CSMD1: variants seen among roughly 807,000 people sequenced by gnomAD.
CSMD1 encodes the protein CUB and sushi domain-containing protein 1.
Under a neutral mutation model 417.5 loss-of-function variants are expected in CSMD1, and 213 were observed. The observed-to-expected ratio is 0.51, with a 90% CI of 0.46 to 0.57. The LOEUF is 0.57. Among genes scored for constraint, CSMD1 ranks in the 20% least tolerant of loss-of-function variants. The probability of loss-of-function intolerance (pLI) is 0.00; values close to 1 mark genes in which losing one functional copy is unlikely to be tolerated. For synonymous variants in CSMD1, 2,862 were observed against 1,736.8 expected, an observed-to-expected ratio of 1.65 and a Z score of -16.11; for missense variants, 6,923 against 4,529.7, an observed-to-expected ratio of 1.53 and a Z score of -15.17.
chr8:3,335,117 G>C (rs1241020501), intron 23 of CSMD1, among the ~76,000 whole-genome samples: 1 of 152,132 alleles, frequency 6.6e-6, no homozygotes, highest in Non-Finnish European at 1.5e-5. Flanking sequence ...GGAGGTGCCT[G>C]CAGTCAATGG....
At chr8:3,788,992 T>G (rs1252017633) in intron 5 of CSMD1, among the ~76,000 whole-genome samples, 1 of 152,178 alleles carries the variant, frequency 6.6e-6, no homozygotes, top group Non-Finnish European at 1.5e-5. Flanking sequence ...TGTAAGTTAT[T>G]TCCACTGTAT....
Position 4,074,846 on chromosome 8 carries a change from GT to G in CSMD1, c.416-42748del, listed in dbSNP as rs201647603. The stretch of plus-strand genomic sequence containing the variant: ...CCTTTTTCTTGGTAGAATTTTCTGA[GT>G]TTTTTTTCTCTCCTCCAGAATGCAC... On this transcript the variant is annotated intron_variant, in intron 3 of 69. Coordinates refer to ENST00000635120, the MANE Select transcript of CSMD1 (RefSeq NM_033225.6). Among the ~76,000 whole-genome samples the G allele has an allele frequency of 2.1e-4, 32 of 151,930 alleles. No homozygotes were observed. In the East Asian group the frequency reaches 4.8e-3, roughly 23 times the overall value.
intron 10 of CSMD1, among the ~76,000 whole-genome samples, chr8:3,537,389 G>T (rs1441322116): frequency 1.3e-5 from 2 of 152,226 alleles, no homozygotes; most frequent in African/African-American, 4.8e-5. Flanking sequence ...TACATCATAA[G>T]TTATCATGCA....
In CSMD1 at chr8:3,957,389, T is replaced by A. The variant is rs551486985; in HGVS notation, c.818+40514A>T. Among the ~76,000 whole-genome samples, 2 of 152,140 alleles carry A rather than the reference T, an allele frequency of 1.3e-5. 1 individual carries two copies. Among genetic ancestry groups the A allele is most frequent in the South Asian group, 4.1e-4 (2 of 4,822 alleles). On this transcript the variant is annotated intron_variant, in intron 5 of 69. Transcript: ENST00000635120. Reference sequence around the variant, plus strand: ...AAGGCAGGTGTTAAGCATAAAAATATATGTCAGTCTGGGAGCAGTGGCTCC... The same window carrying A: ...AAGGCAGGTGTTAAGCATAAAAATAAATGTCAGTCTGGGAGCAGTGGCTCC...
At chr8:4,903,424 T>A (rs1461065780) in intron 1 of CSMD1, among the ~76,000 whole-genome samples, 1 of 152,194 alleles carries the variant, frequency 6.6e-6, no homozygotes, top group Non-Finnish European at 1.5e-5. Context: ...GAGTGACTTT[T>A]TTTACCCTTG....
chr8:4,733,163 C>G (rs975575901), intron 1 of CSMD1, among the ~76,000 whole-genome samples: 1 of 152,190 alleles, frequency 6.6e-6, no homozygotes, highest in South Asian at 2.1e-4. Context: ...CAGTCAATGT[C>G]TACCAAGTAC....
At chr8:3,306,355 G>GTGGTGATGGAGTTT (rs1804845070) in intron 25 of CSMD1, among the ~76,000 whole-genome samples, 1 of 152,166 alleles carries the variant, frequency 6.6e-6, no homozygotes, top group Non-Finnish European at 1.5e-5. Context: ...TGTATTTTTA[G>GTGGTGATGGAGTTT]TGGTGATGGA....
intron 25 of CSMD1, among the ~76,000 whole-genome samples, chr8:3,306,206 C>G (rs955097355): frequency 6.6e-6 from 1 of 152,192 alleles, no homozygotes; most frequent in African/African-American, 2.4e-5. Flanking sequence ...ATACACATTA[C>G]TAAGCTTGAT....
In CSMD1 at chr8:3,673,310, A is replaced by G. The variant is rs535120781; in HGVS notation, c.1009+35104T>C. 5.9e-5 allele frequency among the ~76,000 whole-genome samples: 9 copies of G among 152,184 alleles called. No homozygotes were observed. In the South Asian group the frequency reaches 1.9e-3, roughly 32 times the overall value. Reference sequence around the variant, plus strand: ...CGTATCCTCTACAAGCCTGCTTAACAGGTAAACTGAAAATTCAGCAAGTAC... The same window carrying G: ...CGTATCCTCTACAAGCCTGCTTAACGGGTAAACTGAAAATTCAGCAAGTAC... On this transcript the variant is annotated intron_variant, in intron 7 of 69. Coordinates refer to ENST00000635120, the MANE Select transcript of CSMD1 (RefSeq NM_033225.6).
chr8:3,699,620 G>A lies in CSMD1; in HGVS notation c.1009+8794C>T, dbSNP rs183706091. 8.0e-4 allele frequency among the ~76,000 whole-genome samples: 122 copies of A among 152,184 alleles called. 2 individuals carry two copies. Among genetic ancestry groups the A allele is most frequent in the African/African-American group, 2.8e-3 (115 of 41,518 alleles). ...AATTTCCATTTTTACTCAATCATCA[G>A]TAAATGTTACTACCGTTATGACAGC... On this transcript the variant is annotated intron_variant, in intron 7 of 69. Transcript: ENST00000635120.
intron 1 of CSMD1, among the ~76,000 whole-genome samples, chr8:4,852,128 G>A (rs555662152): frequency 2.0e-4 from 30 of 152,070 alleles, no homozygotes; most frequent in Admixed American, 7.9e-4. Flanking sequence ...TCTCCCAACT[G>A]GGAACACCAT....
intron 3 of CSMD1, among the ~76,000 whole-genome samples, chr8:4,308,687 CT>C (rs930875539): frequency 2.0e-5 from 3 of 152,128 alleles, no homozygotes; most frequent in African/African-American, 7.2e-5. Flanking sequence ...TATCTGGGTG[CT>C]TTTGGAGTTT....
chr8:4,179,671 T>C (rs375010690), intron 3 of CSMD1, among the ~76,000 whole-genome samples: 2 of 152,174 alleles, frequency 1.3e-5, no homozygotes, highest in African/African-American at 4.8e-5. Context: ...ATTTTCGCAA[T>C]CTACTCATCT....
At position 3,902,107 on chromosome 8, in the gene CSMD1, T is replaced by C. The variant is rs144051885; in HGVS notation, c.818+95796A>G. ...TGTCTTGAAAACCAGCCTGAACACATTGCTAAGCCTTAATATGACAGAAGT... is the reference window on the plus strand; with the variant it reads ...TGTCTTGAAAACCAGCCTGAACACACTGCTAAGCCTTAATATGACAGAAGT... On this transcript the variant is annotated intron_variant, in intron 5 of 69. Coordinates refer to ENST00000635120, the MANE Select transcript of CSMD1 (RefSeq NM_033225.6). 1.3e-3 allele frequency among the ~76,000 whole-genome samples: 196 copies of C among 152,310 alleles called. 2 individuals carry two copies. The highest frequency in any genetic ancestry group is 2.0e-3 in the African/African-American group (84 of 41,572).
intron 21 of CSMD1, among the ~76,000 whole-genome samples, chr8:3,350,079 T>C (rs974410166): frequency 7.3e-5 from 10 of 137,128 alleles, no homozygotes; most frequent in African/African-American, 2.4e-4. Flanking sequence ...GTGTGTGTTA[T>C]AATACCTATA....
intron 1 of CSMD1, among the ~76,000 whole-genome samples, chr8:4,933,838 T>G (rs977900947): frequency 4.6e-5 from 7 of 152,174 alleles, no homozygotes; most frequent in African/African-American, 1.7e-4. Flanking sequence ...GATTAAAAAT[T>G]TGTACTATAG....
At chr8:4,929,090 C>T (rs1047116194) in intron 1 of CSMD1, among the ~76,000 whole-genome samples, 2 of 151,970 alleles carry the variant, frequency 1.3e-5, no homozygotes, top group African/African-American at 2.4e-5. Flanking sequence ...CAAAAAAAGG[C>T]CTTTAGGATG....
intron 17 of CSMD1, among the ~76,000 whole-genome samples, chr8:3,394,028 A>T (rs1475002510): frequency 0.021 from 1,491 of 70,086 alleles, 66 homozygotes; most frequent in Non-Finnish European, 0.032. Flanking sequence ...ATATATATAT[A>T]TATATATATA....
At chr8:4,822,310 G>A (rs906825594) in intron 1 of CSMD1, among the ~76,000 whole-genome samples, 1 of 152,098 alleles carries the variant, frequency 6.6e-6, no homozygotes, top group Non-Finnish European at 1.5e-5. Flanking sequence ...CTGAAGCCTT[G>A]CCCACTGCAG....
Sources: gnomAD v4.1 joint callset for allele counts (sites outside exome capture counted in the v4.1 genomes callset) on GRCh38, gnomAD v4.1.1 for gene constraint, MANE v1.5 for transcripts, NCBI Gene and HGNC (gene_info 2026-07-23, HGNC 2026-07-21) for gene names.